MACROD2: variants seen among roughly 807,000 people sequenced by gnomAD.
MACROD2 encodes the protein mono-ADP ribosylhydrolase 2, also known as ADP-ribose glycohydrolase MACROD2.
MACROD2 carries 36 observed loss-of-function variants against 70.4 expected under a neutral mutation model. That is an observed-to-expected ratio of 0.51 (90% confidence interval 0.39 to 0.68). The LOEUF is 0.68. Among genes scored for constraint, MACROD2 ranks in the 30% least tolerant of loss-of-function variants. The pLI is 0.00. For missense variants in MACROD2, 496 were observed against 538.4 expected (o/e 0.92, Z 0.78); for synonymous variants, 172 against 178.8 (o/e 0.96, Z 0.30).
At chr20:15,849,115 CCTTT>C (rs2064267788) in intron 8 of MACROD2, among the ~76,000 whole-genome samples, 1 of 152,178 alleles carries the variant, frequency 6.6e-6, no homozygotes, top group African/African-American at 2.4e-5. Context: ...CATTTTCCTT[CCTTT>C]CTTTTATGTT....
chr20:15,465,438 C>T (rs937948116), intron 7 of MACROD2, among the ~76,000 whole-genome samples: 19 of 152,356 alleles, frequency 1.2e-4, no homozygotes, highest in Middle Eastern at 3.4e-3. Context: ...TTTCAGGTGT[C>T]CTGGCTTCAG....
intron 5 of MACROD2, chr20:14,757,736 G>T (rs998181860): frequency 2.0e-5 from 31 of 1,528,730 alleles, no homozygotes; most frequent in Admixed American, 3.4e-5. Flanking sequence ...CTACGTGAAG[G>T]CACAGTTTGC....
At chr20:15,941,527 G>A (rs2065751183) in intron 12 of MACROD2, among the ~76,000 whole-genome samples, 1 of 152,122 alleles carries the variant, frequency 6.6e-6, no homozygotes, top group Non-Finnish European at 1.5e-5. Context: ...CTTCAAGATT[G>A]AGGTCAAGAT....
At chr20:15,589,416 A>T (rs944497201) in intron 8 of MACROD2, among the ~76,000 whole-genome samples, 1 of 152,232 alleles carries the variant, frequency 6.6e-6, no homozygotes, top group Non-Finnish European at 1.5e-5. Flanking sequence ...AAATCGAGTG[A>T]AAGAGAGAGT....
chr20:14,089,412 A>G (rs2054120236), intron 3 of MACROD2, among the ~76,000 whole-genome samples: 1 of 152,218 alleles, frequency 6.6e-6, no homozygotes, highest in African/African-American at 2.4e-5. Context: ...CCTAGTCACT[A>G]TGCCAAAGCA....
intron 5 of MACROD2, among the ~76,000 whole-genome samples, chr20:14,953,049 G>C (rs2074488005): frequency 6.6e-6 from 1 of 151,938 alleles, no homozygotes; most frequent in African/African-American, 2.4e-5. Flanking sequence ...AGTGGTATGT[G>C]TCAGACTTTC....
chr20:15,376,961 G>C (rs950096408), intron 6 of MACROD2, among the ~76,000 whole-genome samples: 1 of 152,078 alleles, frequency 6.6e-6, no homozygotes, highest in Admixed American at 6.6e-5. Flanking sequence ...CGCAATCTTG[G>C]CTCACTGCAA....
intron 8 of MACROD2, among the ~76,000 whole-genome samples, chr20:15,651,991 G>A (rs566301277): frequency 6.6e-6 from 1 of 152,124 alleles, no homozygotes; most frequent in Non-Finnish European, 1.5e-5. Flanking sequence ...AAGCTAATGA[G>A]ATAGTTGGAG....
chr20:14,305,845 T>A (rs2082516141), intron 3 of MACROD2, among the ~76,000 whole-genome samples: 3 of 152,214 alleles, frequency 2.0e-5, no homozygotes, highest in Admixed American at 1.3e-4. Flanking sequence ...GTTACATATT[T>A]TTTTTTTGTT....
At chr20:15,402,019 A>G (rs1386095096) in intron 6 of MACROD2, among the ~76,000 whole-genome samples, 4 of 152,134 alleles carry the variant, frequency 2.6e-5, no homozygotes, top group African/African-American at 9.7e-5. Flanking sequence ...ATGCTGTGAC[A>G]TTTTCCAAGC....
At chr20:14,844,720 C>A (rs1201369701) in intron 5 of MACROD2, among the ~76,000 whole-genome samples, 1 of 151,980 alleles carries the variant, frequency 6.6e-6, no homozygotes, top group Admixed American at 6.6e-5. Context: ...CAAACTGGTC[C>A]TTATGCTTAC....
At chr20:14,230,494 T>C (rs2081792647) in intron 3 of MACROD2, among the ~76,000 whole-genome samples, 1 of 151,318 alleles carries the variant, frequency 6.6e-6, no homozygotes, top group African/African-American at 2.4e-5. Context: ...TTTAGTTATG[T>C]CTTTAGGGTT....
intron 2 of MACROD2, among the ~76,000 whole-genome samples, chr20:14,050,078 C>A (rs2053543875): frequency 6.7e-6 from 1 of 149,402 alleles, no homozygotes; most frequent in Non-Finnish European, 1.5e-5. Context: ...AAGAGTGAAA[C>A]TCCCATCTCA....
intron 8 of MACROD2, among the ~76,000 whole-genome samples, chr20:15,595,590 A>G (rs1163423889): frequency 6.6e-6 from 1 of 152,232 alleles, no homozygotes; most frequent in East Asian, 1.9e-4. Context: ...GCAGCTATCA[A>G]GAACTTGTTT....
intron 5 of MACROD2, among the ~76,000 whole-genome samples, chr20:14,721,278 A>G (rs1042146741): frequency 4.6e-5 from 7 of 151,760 alleles, no homozygotes; most frequent in African/African-American, 1.7e-4. Flanking sequence ...AAAGAAAAGA[A>G]AAAGAAAAGA....
In MACROD2 at chr20:14,789,742, C is replaced by G. The variant is rs539015995; in HGVS notation, c.418+104783C>G. Among the ~76,000 whole-genome samples the G allele has an allele frequency of 1.3e-3, 198 of 151,996 alleles. 1 individual carries two copies. The highest frequency in any genetic ancestry group is 4.6e-3 in the African/African-American group (191 of 41,408). On this transcript the variant is annotated intron_variant, in intron 5 of 17. Coordinates refer to ENST00000684519, the MANE Select transcript of MACROD2 (RefSeq NM_001351661.2). ...CCTCCTGAGTTGGCCTCCCAAAGTG[C>G]TGGGATTACAGGTGTGAGCCACTGC...
At chr20:14,709,454 C>T (rs2071311563) in intron 5 of MACROD2, among the ~76,000 whole-genome samples, 1 of 152,082 alleles carries the variant, frequency 6.6e-6, no homozygotes. Flanking sequence ...TAAAAGCAAA[C>T]AGTAGAAGCT....
intron 8 of MACROD2, among the ~76,000 whole-genome samples, chr20:15,544,939 TCCTCAGAGGGGC>T (rs1270211882): frequency 1.3e-5 from 2 of 152,226 alleles, no homozygotes; most frequent in African/African-American, 4.8e-5. Flanking sequence ...CAGGCCGCAT[TCCTCAGAGGGGC>T]CCTGAGTACT....
At chr20:14,276,655 C>T (rs991854603) in intron 3 of MACROD2, among the ~76,000 whole-genome samples, 2 of 151,714 alleles carry the variant, frequency 1.3e-5, no homozygotes, top group South Asian at 4.2e-4. Context: ...AAATAAGACA[C>T]TTCATTATGC....
Sources: gnomAD v4.1 joint callset for allele counts (sites outside exome capture counted in the v4.1 genomes callset) on GRCh38, gnomAD v4.1.1 for gene constraint, MANE v1.5 for transcripts, NCBI Gene and HGNC (gene_info 2026-07-23, HGNC 2026-07-21) for gene names.